Variants in PRKN observed in about 807,000 individuals in gnomAD.
PRKN encodes parkin RBR E3 ubiquitin protein ligase.
In PRKN, 56 loss-of-function variants were observed where a neutral mutation model predicts 59.5. The ratio of observed to expected loss-of-function variants is 0.94; its 90% CI spans 0.76 to 1.18. The LOEUF is 1.18. Among genes scored for constraint, PRKN ranks in the 50% most tolerant of loss-of-function variants. The pLI is 0.00. For synonymous variants in PRKN, 250 were observed against 222.1 expected, an observed-to-expected ratio of 1.13 and a Z score of -1.12; for missense variants, 657 against 596.4, an observed-to-expected ratio of 1.10 and a Z score of -1.06.
intron 1 of PRKN, among the ~76,000 whole-genome samples, chr6:162,651,845 TAGTTG>T (rs59302912): frequency 0.25 from 37,720 of 151,984 alleles, 5,800 homozygotes; most frequent in African/African-American, 0.43. Context: ...CTTTTTTGTA[TAGTTG>T]ATTTTCATTC....
At chr6:162,259,721 T>C (rs918230215) in intron 3 of PRKN, among the ~76,000 whole-genome samples, 2 of 151,986 alleles carry the variant, frequency 1.3e-5, no homozygotes, top group African/African-American at 4.8e-5. Context: ...AAAAGCTAAA[T>C]GCACAGGAGT....
At chr6:161,898,592 A>C (rs1353752442) in intron 6 of PRKN, among the ~76,000 whole-genome samples, 4 of 152,174 alleles carry the variant, frequency 2.6e-5, no homozygotes, top group Admixed American at 2.6e-4. Context: ...TACTAAATGG[A>C]TGTTTTCAAA....
intron 1 of PRKN, among the ~76,000 whole-genome samples, chr6:162,709,939 G>A (rs1401823586): frequency 6.6e-6 from 1 of 152,094 alleles, no homozygotes; most frequent in African/African-American, 2.4e-5. Context: ...TGTCCTGTGT[G>A]CTAATGAGGC....
intron 1 of PRKN, among the ~76,000 whole-genome samples, chr6:162,564,700 A>G (rs1217103383): frequency 1.3e-5 from 2 of 152,198 alleles, no homozygotes; most frequent in Admixed American, 6.5e-5. Flanking sequence ...ATGGCATGAC[A>G]TATTTAAAGT....
At chr6:161,406,218 AT>A (rs1659211840) in intron 9 of PRKN, among the ~76,000 whole-genome samples, 1 of 89,042 alleles carries the variant, frequency 1.1e-5, no homozygotes, top group South Asian at 4.0e-4. Context: ...ACATATATAC[AT>A]ATATATATAT....
At chr6:161,495,519 G>T (rs532291648) in intron 9 of PRKN, among the ~76,000 whole-genome samples, 3 of 152,218 alleles carry the variant, frequency 2.0e-5, no homozygotes, top group Admixed American at 6.5e-5. Context: ...AAAGTGAAGC[G>T]TGCCATTTCT....
chr6:162,036,737 T>C (rs1783864989), intron 5 of PRKN, among the ~76,000 whole-genome samples: 1 of 152,236 alleles, frequency 6.6e-6, no homozygotes, highest in East Asian at 1.9e-4. Flanking sequence ...TACTTACTGG[T>C]AAACATATTT....
chr6:161,981,584 A>G (rs1305226441), intron 5 of PRKN, among the ~76,000 whole-genome samples: 1 of 152,034 alleles, frequency 6.6e-6, no homozygotes, highest in Non-Finnish European at 1.5e-5. Context: ...AACATTCTCT[A>G]CCTAATACAT....
intron 5 of PRKN, among the ~76,000 whole-genome samples, chr6:162,040,774 C>T (rs969540131): frequency 2.0e-4 from 31 of 151,932 alleles, no homozygotes; most frequent in African/African-American, 7.2e-4. Context: ...TAAAGAACCA[C>T]GCAAGGATGA....
chr6:162,583,337 A>C (rs1780863442), intron 1 of PRKN, among the ~76,000 whole-genome samples: 1 of 152,220 alleles, frequency 6.6e-6, no homozygotes, highest in African/African-American at 2.4e-5. Context: ...AAAGAGGTAT[A>C]GGGTTTAGAG....
intron 2 of PRKN, among the ~76,000 whole-genome samples, chr6:162,339,741 G>A (rs1784073962): frequency 6.6e-6 from 1 of 152,018 alleles, no homozygotes; most frequent in Non-Finnish European, 1.5e-5. Flanking sequence ...TGGTTGCCGT[G>A]TCTGTGTAGA....
intron 6 of PRKN, among the ~76,000 whole-genome samples, chr6:161,882,996 C>T (rs1015021893): frequency 1.3e-5 from 2 of 149,216 alleles, no homozygotes; most frequent in Non-Finnish European, 3.0e-5. Context: ...CAAAGTGAGA[C>T]TCTGACTCAA....
chr6:161,932,611 G>A (rs530934195), intron 6 of PRKN, among the ~76,000 whole-genome samples: 1 of 152,086 alleles, frequency 6.6e-6, no homozygotes, highest in Non-Finnish European at 1.5e-5. Flanking sequence ...TTTCATTTTT[G>A]CCACTTTGCA....
chr6:162,291,961 GTT>G (rs10550090), intron 2 of PRKN, among the ~76,000 whole-genome samples: 1,396 of 129,560 alleles, frequency 0.011, 12 homozygotes, highest in African/African-American at 0.027. Flanking sequence ...TATTATTATT[GTT>G]TTTTTTTTTT....
At position 161,601,824 on chromosome 6, in the gene PRKN, C is replaced by T. The variant is rs139621582; in HGVS notation, c.872-32408G>A. Among the ~76,000 whole-genome samples the T allele has an allele frequency of 2.9e-3, 448 of 152,196 alleles. 1 individual carries two copies. Among genetic ancestry groups the T allele is most frequent in the African/African-American group, 0.01 (429 of 41,534 alleles). ...GTCTGGATCTCCTGACCTCGTGATCCGCCCACCTCGGCCTCCCAAAGTGCT... is the reference window on the plus strand; with the variant it reads ...GTCTGGATCTCCTGACCTCGTGATCTGCCCACCTCGGCCTCCCAAAGTGCT... On this transcript the variant is annotated intron_variant, in intron 7 of 11. Transcript: ENST00000366898.
intron 1 of PRKN, among the ~76,000 whole-genome samples, chr6:162,523,638 T>A (rs1778159283): frequency 6.6e-6 from 1 of 152,122 alleles, no homozygotes; most frequent in Non-Finnish European, 1.5e-5. Context: ...TATTCCAGCC[T>A]GGGTGACAGA....
chr6:162,169,034 G>C (rs1783129450), intron 4 of PRKN, among the ~76,000 whole-genome samples: 1 of 152,170 alleles, frequency 6.6e-6, no homozygotes. Flanking sequence ...AGATATGTAA[G>C]AGGATTCCAA....
chr6:161,428,651 C>G lies in PRKN; in HGVS notation c.1084-41774G>C, dbSNP rs1037640455. On this transcript the variant is annotated intron_variant, in intron 9 of 11. Coordinates refer to ENST00000366898, the MANE Select transcript of PRKN (RefSeq NM_004562.3). This position sits in a 1 kb window ranked among gnomAD's most constrained non-coding sequence, Gnocchi z 4.0. The stretch of plus-strand genomic sequence containing the variant: ...AAGGGCGATTCTTTGTCAACTGCTA[C>G]TGTCTTGCTAAAGAATCAGCAATTC... 1.3e-5 allele frequency among the ~76,000 whole-genome samples: 2 copies of G among 152,222 alleles called. No individual in the cohort carries two copies. Among genetic ancestry groups the G allele is most frequent in the Non-Finnish European group, 2.9e-5 (2 of 68,048 alleles).
In PRKN at chr6:161,605,185, C is replaced by T. The variant is rs544215752; in HGVS notation, c.872-35769G>A. 9.2e-5 allele frequency among the ~76,000 whole-genome samples: 14 copies of T among 152,128 alleles called. No homozygotes were observed. The South Asian group carries it at 2.9e-3, about 32-fold the overall frequency. ...TTTTTCAAAGGATCTGTGTACCATCCACCCCTTTCAAAGCTGAGAATTTCA... is the reference window on the plus strand; with the variant it reads ...TTTTTCAAAGGATCTGTGTACCATCTACCCCTTTCAAAGCTGAGAATTTCA... On this transcript the variant is annotated intron_variant, in intron 7 of 11. Coordinates refer to ENST00000366898, the MANE Select transcript of PRKN (RefSeq NM_004562.3).
Sources: allele counts gnomAD v4.1 joint callset (sites outside exome capture counted in the v4.1 genomes callset), GRCh38; gene constraint gnomAD v4.1.1; non-coding constraint Gnocchi (gnomAD v3.1); transcripts MANE v1.5; gene names NCBI Gene and HGNC (gene_info 2026-07-23, HGNC 2026-07-21).